The following ATP12A variants were observed in gnomAD, a reference collection of about 807,000 sequenced individuals.
The protein encoded by ATP12A is ATPase H+/K+ transporting non-gastric alpha2 subunit, also known as potassium-transporting ATPase alpha chain 2.
A neutral mutation model predicts 111.2 loss-of-function variants in ATP12A; 81 were observed. That is an observed-to-expected ratio of 0.73 (90% CI 0.61 to 0.88). ATP12A has a LOEUF of 0.88. Ranked by LOEUF, ATP12A falls within the 40% of genes least tolerant of loss-of-function variation. The probability of loss-of-function intolerance (pLI) is 0.00; values close to 1 mark genes in which losing one functional copy is unlikely to be tolerated. For synonymous variants in ATP12A, 498 were observed against 499.8 expected, an observed-to-expected ratio of 1.00 and a Z score of 0.05; for missense variants, 1,196 against 1,313.1, an observed-to-expected ratio of 0.91 and a Z score of 1.38.
Position 24,682,032 on chromosome 13 carries a change from GTGTGTA to G in ATP12A, c.168+318_168+323del, listed in dbSNP as rs1300823864. Among the ~76,000 whole-genome samples, 39 of 68,742 alleles carry G rather than the reference GTGTGTA, an allele frequency of 5.7e-4. 1 individual carries two copies. The highest frequency in any genetic ancestry group is 1.0e-3 in the Admixed American group (9 of 8,684). 45.1% of individuals were successfully genotyped at this position (68,742 alleles called of 152,430 possible). Reference sequence around the variant, plus strand: ...GTATATGGTGTGTGTAGTGTGTGGTGTGTGTATGTGTGTGGTGTGTGTGTATGGTGT... The same window carrying G: ...GTATATGGTGTGTGTAGTGTGTGGTGTGTGTGTGGTGTGTGTGTATGGTGT... On this transcript the variant is annotated intron_variant, in intron 2 of 22. Coordinates refer to ENST00000381946, the MANE Select transcript of ATP12A (RefSeq NM_001676.7).
In ATP12A at chr13:24,681,639, G is replaced by A; in HGVS notation, c.87G>A (p.Glu29=). The stretch of plus-strand genomic sequence containing the variant: ...AAACAGACAAGGGGGATGGCAAGGA[G>A]AAGTATAGGGGTCTGAAGAACAACT... ...IVKTDKGDGK[E]KYRGLKNNCL... The change falls in exon 2 of 23, where the codon GAG becomes GAA. Residue 29 remains glutamate (E), a synonymous_variant. Coordinates refer to ENST00000381946, the MANE Select transcript of ATP12A (RefSeq NM_001676.7). 6.2e-7 allele frequency: 1 copy of A among 1,614,234 alleles called. No individual in the cohort carries two copies. Among genetic ancestry groups the A allele is most frequent in the Non-Finnish European group, 8.5e-7 (1 of 1,180,050 alleles).
chr13:24,684,944 CAGGGT>C (rs1874616959), intron 2 of ATP12A, among the ~76,000 whole-genome samples: 1 of 152,204 alleles, frequency 6.6e-6, no homozygotes, highest in Non-Finnish European at 1.5e-5. Flanking sequence ...CAGCCAATCC[CAGGGT>C]TCAGGCCTGA....
chr13:24,709,127 T>A (rs958569745), intron 17 of ATP12A, among the ~76,000 whole-genome samples: 3 of 151,926 alleles, frequency 2.0e-5, no homozygotes, highest in Non-Finnish European at 2.9e-5. Flanking sequence ...GAGTGTTTTA[T>A]AACCAGCATC....
intron 12 of ATP12A, among the ~76,000 whole-genome samples, chr13:24,699,745 G>T (rs928374776): frequency 1.3e-5 from 2 of 152,304 alleles, no homozygotes; most frequent in Admixed American, 1.3e-4. Flanking sequence ...AGTGTGTCCT[G>T]TTGTCAGCAC....
intron 17 of ATP12A, among the ~76,000 whole-genome samples, chr13:24,708,953 G>GAAAGAAAGA (rs1319322234): frequency 9.5e-5 from 13 of 137,468 alleles, no homozygotes; most frequent in African/African-American, 3.5e-4. Context: ...AAGAAAGAAA[G>GAAAGAAAGA]AAAGAAAGAA....
chr13:24,684,079 C>G (rs1874580271), intron 2 of ATP12A, among the ~76,000 whole-genome samples: 1 of 150,314 alleles, frequency 6.7e-6, no homozygotes, highest in African/African-American at 2.5e-5. Context: ...CACCCCTCCC[C>G]CATGCTCTCA....
chr13:24,711,487 T>A lies in ATP12A; in HGVS notation c.3092-7T>A. ...CATTTCTGATGTACTTTTTTCTACC[T>A]CTACAGGCTGGTGGGATAAGAACAT... On this transcript the variant is annotated splice_region_variant and splice_polypyrimidine_tract_variant and intron_variant, in intron 22 of 22. Coordinates refer to ENST00000381946, the MANE Select transcript of ATP12A (RefSeq NM_001676.7). 1 of 1,614,196 alleles carries A rather than the reference T, an allele frequency of 6.2e-7. No homozygotes were observed. Among genetic ancestry groups the A allele is most frequent in the African/African-American group, 1.3e-5 (1 of 75,038 alleles).
intron 17 of ATP12A, among the ~76,000 whole-genome samples, chr13:24,708,947 AAG>A (rs1334565568): frequency 1.1e-5 from 1 of 87,808 alleles, no homozygotes. Context: ...GAAAGAAAGA[AAG>A]AAAGAAAGAA....
chr13:24,694,056 T>G (rs1875021397), intron 10 of ATP12A, among the ~76,000 whole-genome samples: 1 of 152,170 alleles, frequency 6.6e-6, no homozygotes, highest in Admixed American at 6.5e-5. Flanking sequence ...CCTCCAGGTC[T>G]TGCCACACCC....
At chr13:24,689,412 C>A (rs778686672) in intron 5 of ATP12A, 37 bp downstream of exon 5, 1 of 1,573,724 alleles carries the variant, frequency 6.4e-7, no homozygotes, top group Non-Finnish European at 8.7e-7. Flanking sequence ...CCTCTGGTGA[C>A]TCCCAGGTGA....
At chr13:24,688,878 GAC>G (rs1179245070) in intron 4 of ATP12A, among the ~76,000 whole-genome samples, 1 of 152,176 alleles carries the variant, frequency 6.6e-6, no homozygotes, top group Admixed American at 6.5e-5. Flanking sequence ...GATGCCAAGA[GAC>G]AGAAGCCAGA....
Position 24,710,584 on chromosome 13 carries a change from G to T in ATP12A, c.2888G>T (p.Gly963Val). The stretch of plus-strand genomic sequence containing the variant: ...CGGAGGAATTCCATCTTCCAGCAGG[G>T]TCTCTTCAGGTACTGCCTGTGCCCG... ...KTRRNSIFQQ[G>V]LFRNKVIWVG... The change falls in exon 20 of 23, where the codon GGT becomes GTT. Residue 963 changes from glycine to valine, a missense_variant. Physicochemically the swap from Gly to Val is moderately radical, Grantham distance 109. Coordinates refer to ENST00000381946, the MANE Select transcript of ATP12A (RefSeq NM_001676.7). The T allele has an allele frequency of 6.2e-7, 1 of 1,614,152 alleles. No individual in the cohort carries two copies. Among genetic ancestry groups the T allele is most frequent in the South Asian group, 1.1e-5 (1 of 91,078 alleles).
chr13:24,690,186 C>G (rs543815808), intron 5 of ATP12A, 152 bp from the exon 6 acceptor site: 72 of 1,188,982 alleles, frequency 6.1e-5, no homozygotes, highest in Non-Finnish European at 8.1e-5. Flanking sequence ...GTCCACAGGG[C>G]CAGGTGCAGG....
At chr13:24,680,998 G>A (rs1479389648) in intron 1 of ATP12A, among the ~76,000 whole-genome samples, 3 of 152,220 alleles carry the variant, frequency 2.0e-5, no homozygotes, top group Admixed American at 2.0e-4. Context: ...AGCGAGAAGG[G>A]GCCAAGGGGT....
At chr13:24,704,707 T>A in intron 14 of ATP12A, 1 of 237,582 alleles carries the variant, frequency 4.2e-6, no homozygotes, top group Non-Finnish European at 8.5e-6. Context: ...AAAGACATAA[T>A]CTTCCTACGA....
chr13:24,706,478 G>T lies in ATP12A; in HGVS notation c.2169+15G>T, dbSNP rs1419321695. The stretch of plus-strand genomic sequence containing the variant: ...GTCAGAGGCAGGTGGGTGGACAGCA[G>T]TGTCCAGAGGACTGACAGGCCCATC... On this transcript the variant is annotated intron_variant, in intron 15 of 22. Coordinates refer to ENST00000381946, the MANE Select transcript of ATP12A (RefSeq NM_001676.7). 5 of 1,611,732 alleles carry T rather than the reference G, an allele frequency of 3.1e-6. No homozygotes were observed. The highest frequency in any genetic ancestry group is 2.7e-5 in the African/African-American group (2 of 74,956).
chr13:24,711,294 C>G (rs1362785776), intron 21 of ATP12A, 24 bp from the exon 22 acceptor site: 3 of 1,574,476 alleles, frequency 1.9e-6, no homozygotes, highest in South Asian at 2.3e-5. Context: ...AGTCAGGGTT[C>G]ACTTTCCATC....
At chr13:24,693,085 C>T (rs989200767) in intron 10 of ATP12A, among the ~76,000 whole-genome samples, 189 bp downstream of exon 10, 1 of 152,186 alleles carries the variant, frequency 6.6e-6, no homozygotes, top group African/African-American at 2.4e-5. Context: ...TACAAAGATG[C>T]TTAAAAGGTT....
intron 5 of ATP12A, 68 bp from the exon 6 acceptor site, chr13:24,690,270 G>C: frequency 6.3e-7 from 1 of 1,587,776 alleles, no homozygotes; most frequent in Non-Finnish European, 8.6e-7. Flanking sequence ...GTTCGGTGCG[G>C]CACAGACTTG....
Sources: gnomAD v4.1 joint callset for allele counts (sites outside exome capture counted in the v4.1 genomes callset) on GRCh38, gnomAD v4.1.1 for gene constraint, MANE v1.5 for transcripts, NCBI Gene and HGNC (gene_info 2026-07-23, HGNC 2026-07-21) for gene names.